The following CERS6 variants were observed in gnomAD, a reference collection of about 807,000 sequenced individuals.
CERS6 encodes ceramide synthase 6.
CERS6 carries 26 observed loss-of-function variants against 56.8 expected under a neutral mutation model. The ratio of observed to expected loss-of-function variants is 0.46; its 90% CI spans 0.34 to 0.63. The LOEUF (loss-of-function observed/expected upper bound fraction) is 0.63, where lower values mean the gene tolerates loss of function less well. CERS6 is among the 30% of genes least tolerant of loss of function. The probability of loss-of-function intolerance (pLI) is 0.01; values close to 1 mark genes in which losing one functional copy is unlikely to be tolerated. For synonymous variants in CERS6, 164 were observed against 173.3 expected (o/e 0.95, Z 0.42); for missense variants, 415 against 467.5 (o/e 0.89, Z 1.04).
intron 3 of CERS6, among the ~76,000 whole-genome samples, chr2:168,578,145 G>C (rs887044179): frequency 1.6e-4 from 25 of 152,022 alleles, no homozygotes; most frequent in Non-Finnish European, 2.5e-4. Flanking sequence ...GTCAGACCAG[G>C]CTGTGGAACT....
intron 8 of CERS6, among the ~76,000 whole-genome samples, chr2:168,752,314 T>C (rs1297781852): frequency 6.9e-6 from 1 of 145,454 alleles, no homozygotes. Context: ...TGTGTGTGTG[T>C]GTGTATAGAG....
At chr2:168,574,150 A>C (rs2105390916) in intron 3 of CERS6, among the ~76,000 whole-genome samples, 1 of 152,284 alleles carries the variant, frequency 6.6e-6, no homozygotes, top group East Asian at 1.9e-4. Flanking sequence ...AACTAATTTC[A>C]GTTCTTACTG....
intron 2 of CERS6, among the ~76,000 whole-genome samples, chr2:168,549,909 G>T (rs181952242): frequency 1.3e-5 from 2 of 152,146 alleles, no homozygotes; most frequent in Non-Finnish European, 1.5e-5. Context: ...TTGTGTGTGT[G>T]TGTGAATGAT....
At chr2:168,744,487 A>G (rs530657944) in intron 8 of CERS6, among the ~76,000 whole-genome samples, 1 of 152,286 alleles carries the variant, frequency 6.6e-6, no homozygotes, top group South Asian at 2.1e-4. Context: ...TCAAAAGACA[A>G]TGTCTGCAAA....
intron 1 of CERS6, among the ~76,000 whole-genome samples, chr2:168,507,274 C>A (rs1402917852): frequency 1.3e-5 from 2 of 152,116 alleles, no homozygotes; most frequent in Non-Finnish European, 2.9e-5. Context: ...AAAAATAGGC[C>A]TTTTTCCTAT....
At chr2:168,632,739 A>C (rs1684776152) in intron 4 of CERS6, among the ~76,000 whole-genome samples, 1 of 152,174 alleles carries the variant, frequency 6.6e-6, no homozygotes, top group Non-Finnish European at 1.5e-5. Context: ...CTTTGGATGG[A>C]ATTTCAGCTG....
At chr2:168,479,932 A>G (rs1574010557) in intron 1 of CERS6, among the ~76,000 whole-genome samples, 1 of 152,148 alleles carries the variant, frequency 6.6e-6, no homozygotes, top group African/African-American at 2.4e-5. Flanking sequence ...GGTCTTTACT[A>G]GCGTGCCTGT....
At chr2:168,731,453 A>G (rs1015904760) in intron 8 of CERS6, among the ~76,000 whole-genome samples, 1 of 152,192 alleles carries the variant, frequency 6.6e-6, no homozygotes, top group African/African-American at 2.4e-5. Context: ...GAGTATTTCC[A>G]TTAATCAAGA....
chr2:168,596,929 A>T (rs1322768800), intron 3 of CERS6, among the ~76,000 whole-genome samples: 2 of 152,188 alleles, frequency 1.3e-5, no homozygotes, highest in East Asian at 3.8e-4. Context: ...TGAATTCAAG[A>T]ATCCTTTTAT....
intron 3 of CERS6, among the ~76,000 whole-genome samples, chr2:168,577,714 G>T (rs1025510120): frequency 3.9e-5 from 6 of 152,164 alleles, no homozygotes; most frequent in Admixed American, 2.0e-4. Flanking sequence ...GCATAGGGAG[G>T]CAGAGTCAGG....
At chr2:168,557,020 A>AAAAAAAAAAAAAAAAAAAAAAAAT (rs1558996759) in intron 2 of CERS6, among the ~76,000 whole-genome samples, 1 of 137,912 alleles carries the variant, frequency 7.3e-6, no homozygotes. Flanking sequence ...AAAAAAAAAA[A>AAAAAAAAAAAAAAAAAAAAAAAAT]AGGCATGTTG....
intron 4 of CERS6, among the ~76,000 whole-genome samples, chr2:168,669,560 A>G (rs1685855305): frequency 6.6e-6 from 1 of 152,278 alleles, no homozygotes; most frequent in East Asian, 1.9e-4. Context: ...AAGATAGATA[A>G]AGCCACCCTC....
intron 1 of CERS6, among the ~76,000 whole-genome samples, chr2:168,497,964 A>G (rs1331358529): frequency 1.3e-5 from 2 of 152,050 alleles, no homozygotes; most frequent in Non-Finnish European, 2.9e-5. Context: ...ACAATGGAAA[A>G]CAGCCATTGA....
intron 8 of CERS6, among the ~76,000 whole-genome samples, chr2:168,731,380 T>G (rs935579862): frequency 1.3e-5 from 2 of 152,184 alleles, no homozygotes; most frequent in African/African-American, 4.8e-5. Flanking sequence ...TTATACCTTT[T>G]GACTAATAAT....
chr2:168,572,736 C>T (rs1696013358), intron 3 of CERS6, among the ~76,000 whole-genome samples: 1 of 152,048 alleles, frequency 6.6e-6, no homozygotes, highest in African/African-American at 2.4e-5. Context: ...TAGTTGTTCT[C>T]TACTAGAGCA....
In CERS6 at chr2:168,561,788, G is replaced by A. The variant is rs189248099; in HGVS notation, c.407+466G>A. Reference sequence around the variant, plus strand: ...TATTATATTTCTGGGTGAGTTTAATGAAGCATTGCTTGAAGTTGGGGGATG... The same window carrying A: ...TATTATATTTCTGGGTGAGTTTAATAAAGCATTGCTTGAAGTTGGGGGATG... On this transcript the variant is annotated intron_variant, in intron 3 of 9. Coordinates refer to ENST00000305747, the MANE Select transcript of CERS6 (RefSeq NM_203463.3). Among the ~76,000 whole-genome samples, 402 of 152,232 alleles carry A rather than the reference G, an allele frequency of 2.6e-3. 4 individuals carry two copies. Among genetic ancestry groups the A allele is most frequent in the African/African-American group, 8.9e-3 (370 of 41,538 alleles).
intron 8 of CERS6, among the ~76,000 whole-genome samples, chr2:168,720,395 G>A (rs1478321855): frequency 6.6e-6 from 1 of 152,138 alleles, no homozygotes; most frequent in Non-Finnish European, 1.5e-5. Context: ...CACGTGCCTA[G>A]CTTATTGGAC....
intron 1 of CERS6, among the ~76,000 whole-genome samples, chr2:168,472,978 T>G (rs913425130): frequency 1.3e-5 from 2 of 152,238 alleles, no homozygotes; most frequent in African/African-American, 4.8e-5. Context: ...CTTTAAAACT[T>G]GCAGTGCTTG....
intron 1 of CERS6, among the ~76,000 whole-genome samples, chr2:168,497,922 G>A (rs1409062204): frequency 6.6e-6 from 1 of 152,128 alleles, no homozygotes; most frequent in Non-Finnish European, 1.5e-5. Context: ...TGGGTAAGTG[G>A]AGAAGACCAG....
Sources: allele counts gnomAD v4.1 joint callset (sites outside exome capture counted in the v4.1 genomes callset), GRCh38; gene constraint gnomAD v4.1.1; transcripts MANE v1.5; gene names NCBI Gene and HGNC (gene_info 2026-07-23, HGNC 2026-07-21).